DOK6: variants seen among roughly 807,000 people sequenced by gnomAD.
DOK6 encodes the protein downstream of tyrosine kinase 6.
In DOK6, 22 loss-of-function variants were observed where a neutral mutation model predicts 44.0. The ratio of observed to expected loss-of-function variants is 0.50; its 90% CI spans 0.36 to 0.71. The LOEUF is 0.71. Ranked by LOEUF, DOK6 falls within the 30% of genes least tolerant of loss-of-function variation. The probability of loss-of-function intolerance (pLI) is 0.00; values close to 1 mark genes in which losing one functional copy is unlikely to be tolerated. For missense variants in DOK6, 340 were observed against 416.4 expected (o/e 0.82, Z 1.60); for synonymous variants, 166 against 145.5 (o/e 1.14, Z -1.01).
chr18:69,823,614 AGT>A (rs1345167399), intron 7 of DOK6, among the ~76,000 whole-genome samples: 1 of 129,722 alleles, frequency 7.7e-6, no homozygotes, highest in Admixed American at 7.6e-5. Flanking sequence ...GAGAAGGAGA[AGT>A]GTGTGTGTTT....
chr18:69,689,888 C>T (rs1274336427), intron 4 of DOK6, among the ~76,000 whole-genome samples: 1 of 151,956 alleles, frequency 6.6e-6, no homozygotes, highest in African/African-American at 2.4e-5. Flanking sequence ...TAATATTATG[C>T]ATTTCTTAAA....
chr18:69,693,312 G>GAAAA (rs10554189), intron 4 of DOK6, among the ~76,000 whole-genome samples: 11 of 126,128 alleles, frequency 8.7e-5, no homozygotes, highest in South Asian at 2.5e-4. Flanking sequence ...CTTCTTTGAA[G>GAAAA]AAAAAAAAAA....
intron 1 of DOK6, among the ~76,000 whole-genome samples, chr18:69,438,510 T>C (rs1979046493): frequency 6.6e-6 from 1 of 152,182 alleles, no homozygotes; most frequent in South Asian, 2.1e-4. Context: ...CTCAAAGTCA[T>C]CCATAAGAGT....
chr18:69,563,583 T>C (rs937321900), intron 1 of DOK6, among the ~76,000 whole-genome samples: 3 of 134,674 alleles, frequency 2.2e-5, no homozygotes, highest in African/African-American at 8.5e-5. Context: ...TTCTCACTCA[T>C]AGGTGGGAAT....
At chr18:69,816,101 G>GC (rs1287736475) in intron 7 of DOK6, among the ~76,000 whole-genome samples, 3 of 152,128 alleles carry the variant, frequency 2.0e-5, no homozygotes, top group African/African-American at 4.8e-5. Context: ...ACCAAACATA[G>GC]CAATTCATCC....
At chr18:69,482,198 C>A (rs1980445433) in intron 1 of DOK6, among the ~76,000 whole-genome samples, 1 of 152,092 alleles carries the variant, frequency 6.6e-6, no homozygotes, top group Non-Finnish European at 1.5e-5. Context: ...ATGGTAGTTT[C>A]TTTTCCTGTG....
chr18:69,559,191 T>C (rs1419704452), intron 1 of DOK6, among the ~76,000 whole-genome samples: 2 of 152,208 alleles, frequency 1.3e-5, no homozygotes, highest in African/African-American at 4.8e-5. Context: ...CATAGAAATA[T>C]GCCTTCTGGC....
intron 1 of DOK6, among the ~76,000 whole-genome samples, chr18:69,427,204 C>G (rs1224410563): frequency 6.6e-6 from 1 of 152,152 alleles, no homozygotes; most frequent in East Asian, 1.9e-4. Context: ...CTCTCTCTCT[C>G]TCTTTATGGC....
chr18:69,560,931 T>TG (rs1451634003), intron 1 of DOK6, among the ~76,000 whole-genome samples: 7 of 119,820 alleles, frequency 5.8e-5, no homozygotes, highest in Non-Finnish European at 9.2e-5. Context: ...ATGCTTTCTA[T>TG]TTAAAAAATT....
chr18:69,760,591 ATTCGGGTTTTATAC>A (rs1239653401), intron 7 of DOK6, among the ~76,000 whole-genome samples: 1 of 152,058 alleles, frequency 6.6e-6, no homozygotes, highest in East Asian at 1.9e-4. Flanking sequence ...GACCTCTTGA[ATTCGGGTTTTATAC>A]TTCGGGTTGG....
intron 2 of DOK6, among the ~76,000 whole-genome samples, chr18:69,566,298 A>G (rs1273858419): frequency 6.6e-6 from 1 of 151,912 alleles, no homozygotes; most frequent in Non-Finnish European, 1.5e-5. Context: ...CACTGCACCC[A>G]GCTAATTTTT....
At chr18:69,544,949 T>G (rs1457531709) in intron 1 of DOK6, among the ~76,000 whole-genome samples, 1 of 150,922 alleles carries the variant, frequency 6.6e-6, no homozygotes, top group Non-Finnish European at 1.5e-5. Context: ...GCTAACATGG[T>G]GAAACCCCAT....
chr18:69,485,407 G>A (rs17081040), intron 1 of DOK6, among the ~76,000 whole-genome samples: 36,121 of 152,034 alleles, frequency 0.24, 4,610 homozygotes, highest in East Asian at 0.53. Flanking sequence ...AGAAGAAAAG[G>A]TCCTTTACCC....
At chr18:69,446,544 T>C (rs1979298656) in intron 1 of DOK6, among the ~76,000 whole-genome samples, 1 of 152,182 alleles carries the variant, frequency 6.6e-6, no homozygotes, top group Non-Finnish European at 1.5e-5. Context: ...TATAGCAGCA[T>C]GATTTATAAT....
intron 5 of DOK6, chr18:69,721,565 A>C (rs555926689): frequency 6.6e-6 from 1 of 152,366 alleles, no homozygotes; most frequent in African/African-American, 2.4e-5. Context: ...TATTGTTTGC[A>C]GTACACATTC....
At chr18:69,683,617 A>G (rs1986089050) in intron 4 of DOK6, among the ~76,000 whole-genome samples, 2 of 152,228 alleles carry the variant, frequency 1.3e-5, no homozygotes, top group South Asian at 4.1e-4. Context: ...GCCCATTAAC[A>G]CCAGAAGCTA....
intron 7 of DOK6, among the ~76,000 whole-genome samples, chr18:69,831,505 T>A (rs1011347902): frequency 3.9e-5 from 6 of 152,228 alleles, no homozygotes; most frequent in South Asian, 2.1e-4. Context: ...TTTTAAAATA[T>A]GATTTCTAAG....
At chr18:69,609,726 A>G (rs376726018) in intron 3 of DOK6, among the ~76,000 whole-genome samples, 16 of 152,192 alleles carry the variant, frequency 1.1e-4, no homozygotes, top group African/African-American at 3.9e-4. Flanking sequence ...TAACACTCCT[A>G]TGTTTATTGC....
intron 5 of DOK6, among the ~76,000 whole-genome samples, chr18:69,707,978 G>A (rs1167948576): frequency 6.6e-6 from 1 of 152,142 alleles, no homozygotes; most frequent in African/African-American, 2.4e-5. Context: ...TACTCTCCAC[G>A]ACGCACAGCA....
Sources: allele counts gnomAD v4.1 joint callset (sites outside exome capture counted in the v4.1 genomes callset), GRCh38; gene constraint gnomAD v4.1.1; transcripts MANE v1.5; gene names NCBI Gene and HGNC (gene_info 2026-07-23, HGNC 2026-07-21).